The following FOXP2 variants were observed in gnomAD, a reference collection of about 807,000 sequenced individuals.
FOXP2 encodes the protein forkhead box protein P2.
In FOXP2, 12 loss-of-function variants were observed where a neutral mutation model predicts 115.8. The observed-to-expected ratio is 0.10, with a 90% CI of 0.07 to 0.17. The LOEUF (loss-of-function observed/expected upper bound fraction) is 0.17. FOXP2 is among the 10% of genes least tolerant of loss of function. FOXP2 has a pLI of 1.00. For synonymous variants in FOXP2, 328 were observed against 297.7 expected (o/e 1.10, Z -1.05); for missense variants, 629 against 843.5 (o/e 0.75, Z 3.15).
chr7:114,137,208 G>A (rs911002529), intron 1 of FOXP2, among the ~76,000 whole-genome samples: 8 of 152,006 alleles, frequency 5.3e-5, no homozygotes, highest in Non-Finnish European at 7.4e-5. Context: ...TTATGGATAG[G>A]TTTTAAAGAT....
At chr7:114,664,144 A>C in intron 15 of FOXP2, 129 bp from the exon 16 acceptor site, 1 of 1,087,178 alleles carries the variant, frequency 9.2e-7, no homozygotes, top group Non-Finnish European at 1.3e-6. Flanking sequence ...TTTTTTTTCA[A>C]TACATTTTCT....
intron 8 of FOXP2, among the ~76,000 whole-genome samples, chr7:114,650,728 A>G (rs1475092093): frequency 6.6e-6 from 1 of 151,960 alleles, no homozygotes; most frequent in African/African-American, 2.4e-5. Flanking sequence ...GCAGACAGGT[A>G]TAGTGGAAGT....
At chr7:114,362,337 G>A (rs1791770319) in intron 2 of FOXP2, among the ~76,000 whole-genome samples, 1 of 152,040 alleles carries the variant, frequency 6.6e-6, no homozygotes, top group Non-Finnish European at 1.5e-5. Flanking sequence ...ACAGATTATG[G>A]TCACAAAGTT....
intron 13 of FOXP2, 72 bp from the exon 14 acceptor site, chr7:114,661,993 A>G: frequency 6.4e-7 from 1 of 1,568,226 alleles, no homozygotes; most frequent in Non-Finnish European, 8.8e-7. Context: ...AAGATCAATA[A>G]TGTAGTATGT....
At chr7:114,542,093 A>G (rs1225195878) in intron 3 of FOXP2, among the ~76,000 whole-genome samples, 2 of 152,184 alleles carry the variant, frequency 1.3e-5, no homozygotes, top group South Asian at 4.1e-4. Flanking sequence ...ATATATTTCT[A>G]TCAACCCACC....
At chr7:114,501,735 G>C (rs1342090648) in intron 2 of FOXP2, among the ~76,000 whole-genome samples, 1 of 151,956 alleles carries the variant, frequency 6.6e-6, no homozygotes, top group Admixed American at 6.6e-5. Context: ...CAATATTTTA[G>C]TAATACACAA....
At chr7:114,452,655 G>A (rs904866562) in intron 2 of FOXP2, among the ~76,000 whole-genome samples, 3 of 151,976 alleles carry the variant, frequency 2.0e-5, no homozygotes, top group Admixed American at 6.6e-5. Flanking sequence ...AAGGCATTTC[G>A]CCTCTCTCAA....
At chr7:114,134,471 T>C (rs572353068) in intron 1 of FOXP2, among the ~76,000 whole-genome samples, 123 of 152,194 alleles carry the variant, frequency 8.1e-4, no homozygotes, top group African/African-American at 2.8e-3. Context: ...CCCAGCACTT[T>C]GGGAGGCCGA....
chr7:114,326,015 G>A (rs939222715), intron 2 of FOXP2, among the ~76,000 whole-genome samples: 9 of 152,056 alleles, frequency 5.9e-5, no homozygotes, highest in Admixed American at 4.6e-4. Flanking sequence ...TGTGTGCCAA[G>A]TAGGTAACTC....
At chr7:114,241,951 C>G (rs1321922534) in intron 1 of FOXP2, among the ~76,000 whole-genome samples, 1 of 150,588 alleles carries the variant, frequency 6.6e-6, no homozygotes. Context: ...ATGTTTAATA[C>G]AAGATAAAAA....
chr7:114,629,673 T>C (rs1389861300), intron 4 of FOXP2, 132 bp from the exon 5 acceptor site: 2 of 1,601,554 alleles, frequency 1.2e-6, no homozygotes, highest in Middle Eastern at 3.3e-4. Context: ...GAATCCAATG[T>C]ATATTTTTTG....
chr7:114,087,589 C>G (rs1393353354), upstream of FOXP2, among the ~76,000 whole-genome samples: 1 of 148,868 alleles, frequency 6.7e-6, no homozygotes, highest in Non-Finnish European at 1.5e-5. Flanking sequence ...AGCGCGGGTC[C>G]GAACGCCCTT....
chr7:114,516,627 A>G (rs2129266176), intron 2 of FOXP2, among the ~76,000 whole-genome samples: 1 of 152,088 alleles, frequency 6.6e-6, no homozygotes, highest in South Asian at 2.1e-4. Flanking sequence ...ATTCCCACCA[A>G]GAGCGTACAA....
At chr7:114,279,098 T>C (rs982586454) in intron 1 of FOXP2, among the ~76,000 whole-genome samples, 6 of 152,180 alleles carry the variant, frequency 3.9e-5, no homozygotes, top group Non-Finnish European at 8.8e-5. Flanking sequence ...AGGCAGGAAA[T>C]CAGAGTTTCA....
intron 3 of FOXP2, among the ~76,000 whole-genome samples, chr7:114,601,418 A>G (rs1174670651): frequency 6.6e-6 from 1 of 152,194 alleles, no homozygotes; most frequent in East Asian, 1.9e-4. Flanking sequence ...TGTTAATTTT[A>G]GAAGTTTTAT....
intron 1 of FOXP2, among the ~76,000 whole-genome samples, chr7:114,236,005 A>G (rs1310446441): frequency 2.6e-5 from 4 of 152,176 alleles, no homozygotes; most frequent in African/African-American, 4.8e-5. Context: ...TTACTTCCCT[A>G]TTAGATTCGA....
chr7:114,277,761 T>TA, intron 1 of FOXP2, among the ~76,000 whole-genome samples: 1 of 152,062 alleles, frequency 6.6e-6, no homozygotes, highest in African/African-American at 2.4e-5. Context: ...ATTATTTGAT[T>TA]AAAAAAGCAG....
intron 2 of FOXP2, chr7:114,499,182 AC>A (rs1463827453): frequency 1.1e-5 from 5 of 442,998 alleles, no homozygotes; most frequent in African/African-American, 9.9e-5. Flanking sequence ...GATCCAGCTC[AC>A]TTTTGCTCAA....
At chr7:114,228,725 A>G (rs1794800748) in intron 1 of FOXP2, among the ~76,000 whole-genome samples, 1 of 151,752 alleles carries the variant, frequency 6.6e-6, no homozygotes, top group African/African-American at 2.4e-5. Flanking sequence ...ACTCCATGGT[A>G]ACCATGATGA....
Sources: gnomAD v4.1 joint callset for allele counts (sites outside exome capture counted in the v4.1 genomes callset) on GRCh38, gnomAD v4.1.1 for gene constraint, MANE v1.5 for transcripts, NCBI Gene and HGNC (gene_info 2026-07-23, HGNC 2026-07-21) for gene names.